The following CBL variants were observed in gnomAD, a reference collection of about 807,000 sequenced individuals.
The protein encoded by CBL is Cbl proto-oncogene.
CBL carries 45 observed loss-of-function variants against 96.9 expected under a neutral mutation model. The ratio of observed to expected loss-of-function variants is 0.46; its 90% CI spans 0.37 to 0.60. The LOEUF is 0.60. CBL is among the 20% of genes least tolerant of loss of function. The pLI, the probability that CBL is intolerant of heterozygous loss-of-function variation, is 0.00. For synonymous variants in CBL, 420 were observed against 426.8 expected (o/e 0.98, Z 0.20); for missense variants, 1,024 against 1,143.5 (o/e 0.90, Z 1.51).
At position 119,281,493 on chromosome 11, in the gene CBL, C is replaced by T. The variant is rs187262672; in HGVS notation, c.1431+2780C>T. 7.4e-3 allele frequency among the ~76,000 whole-genome samples: 1,032 copies of T among 139,878 alleles called. 10 individuals carry two copies. Among genetic ancestry groups the T allele is most frequent in the African/African-American group, 0.023 (819 of 34,880 alleles). The allele number at this position is 139,878 out of a possible 152,430, so 91.8% of individuals were successfully genotyped here. A position where few individuals can be genotyped will look rare whatever the true frequency, so the allele number is the denominator to read the frequency against. On this transcript the variant is annotated intron_variant, in intron 9 of 15. Coordinates refer to ENST00000264033, the MANE Select transcript of CBL (RefSeq NM_005188.4). ...CTTCCTTTCCCTCTGTCACCAAAAG[C>T]CTTTTTTTTTTTTTTTTTTGAGACA...
intron 2 of CBL, among the ~76,000 whole-genome samples, chr11:119,244,141 G>C (rs1216007177): frequency 6.6e-6 from 1 of 152,174 alleles, no homozygotes; most frequent in African/African-American, 2.4e-5. Flanking sequence ...ATGATCGCTA[G>C]ATTATGGTGA....
chr11:119,221,382 T>C (rs1219574199), intron 1 of CBL, among the ~76,000 whole-genome samples: 1 of 152,042 alleles, frequency 6.6e-6, no homozygotes, highest in Non-Finnish European at 1.5e-5. Context: ...TGAGACCCCA[T>C]CTCTATTTTT....
In CBL at chr11:119,285,180, C is replaced by G; in HGVS notation, c.1564-9C>G. On this transcript the variant is annotated splice_polypyrimidine_tract_variant and intron_variant, in intron 10 of 15. Transcript: ENST00000264033. ...TTTTTACTGATTTGCTTTCACCCTG[C>G]TTCCACAGGCTGCTTCTGGCTCCCT... 1 of 1,614,044 alleles carries G rather than the reference C, an allele frequency of 6.2e-7. No homozygotes were observed. The highest frequency in any genetic ancestry group is 8.5e-7 in the Non-Finnish European group (1 of 1,180,036).
chr11:119,242,807 A>C (rs1358898667), intron 2 of CBL, among the ~76,000 whole-genome samples: 2 of 151,280 alleles, frequency 1.3e-5, no homozygotes, highest in Non-Finnish European at 2.9e-5. Flanking sequence ...TTTGGCTTGC[A>C]AAAGTGGCAA....
At position 119,275,995 on chromosome 11, in the gene CBL, A is replaced by G; in HGVS notation, c.870-2A>G. The G allele has an allele frequency of 6.2e-7, 1 of 1,614,086 alleles. No homozygotes were observed. The highest frequency in any genetic ancestry group is 8.5e-7 in the Non-Finnish European group (1 of 1,179,946). ...AAAGCTTCTGTTTATGTCTGTTCAT[A>G]GTTATATCTTCCGGCTGAGCTGTAC... is the stretch of plus-strand genomic sequence containing the variant. On this transcript the variant is annotated splice_acceptor_variant, in intron 5 of 15. Coordinates refer to ENST00000264033, the MANE Select transcript of CBL (RefSeq NM_005188.4). LOFTEE classifies it high-confidence loss of function.
intron 2 of CBL, among the ~76,000 whole-genome samples, chr11:119,247,419 G>T (rs1287843132): frequency 2.0e-5 from 3 of 152,232 alleles, no homozygotes; most frequent in African/African-American, 4.8e-5. Context: ...ATTTGCATGT[G>T]ACATAATTCT....
intron 1 of CBL, among the ~76,000 whole-genome samples, chr11:119,211,624 C>T (rs906590235): frequency 7.3e-5 from 11 of 151,676 alleles, no homozygotes; most frequent in African/African-American, 1.7e-4. Context: ...TTGCCTTAGC[C>T]TCCCAAGTAG....
chr11:119,273,829 G>C, intron 3 of CBL, 39 bp from the exon 4 acceptor site: 1 of 1,585,702 alleles, frequency 6.3e-7, no homozygotes. Flanking sequence ...AATTATCTCT[G>C]TTATTTCACT....
intron 1 of CBL, among the ~76,000 whole-genome samples, chr11:119,221,597 C>T (rs1039856217): frequency 2.0e-5 from 3 of 151,906 alleles, no homozygotes; most frequent in South Asian, 4.1e-4. Flanking sequence ...GAAACCCCCT[C>T]TCTACTAAAA....
chr11:119,221,684 C>T (rs1949412417), intron 1 of CBL, among the ~76,000 whole-genome samples: 1 of 150,608 alleles, frequency 6.6e-6, no homozygotes, highest in Admixed American at 6.7e-5. Flanking sequence ...AGGAGAATTG[C>T]TTGAACCCGG....
chr11:119,231,201 G>A (rs778534907), intron 1 of CBL, among the ~76,000 whole-genome samples: 1 of 152,054 alleles, frequency 6.6e-6, no homozygotes, highest in Admixed American at 6.6e-5. Flanking sequence ...TCAGGCATTC[G>A]AGACCAGCCT....
chr11:119,307,682 T>C lies in CBL; in HGVS notation c.*7901T>C, dbSNP rs1950156999. 4.4e-6 allele frequency: 1 copy of C among 226,460 alleles called. No homozygotes were observed. The highest frequency in any genetic ancestry group is 5.7e-5 in the Admixed American group (1 of 17,492). 14.0% of individuals were successfully genotyped at this position (226,460 alleles called of 1,614,324 possible). ...TCCCCTGCCTTTAACTAATAAAGAA[T>C]TGGGAGACAGAAATTTTAAAGTCCT... On this transcript the variant is annotated 3_prime_UTR_variant, in exon 16 of 16. Coordinates refer to ENST00000264033, the MANE Select transcript of CBL (RefSeq NM_005188.4).
rs1233542858 is a variant in CBL, at chr11:119,302,194, AG to A, written c.*2415del. On this transcript the variant is annotated 3_prime_UTR_variant, in exon 16 of 16. Coordinates refer to ENST00000264033, the MANE Select transcript of CBL (RefSeq NM_005188.4). ...ATGGGCTTGGGTGTCAGTTTGTCAC[AG>A]GTATCTGCCAGCATTCAAGGTTTTG... The A allele has an allele frequency of 4.3e-6, 1 of 232,712 alleles. No homozygotes were observed. The highest frequency in any genetic ancestry group is 8.5e-6 in the Non-Finnish European group (1 of 117,774). The allele number at this position is 232,712 out of a possible 1,614,324, so 14.4% of individuals were successfully genotyped here. A position where few individuals can be genotyped will look rare whatever the true frequency, so the allele number is the denominator to read the frequency against.
Position 119,294,174 on chromosome 11 carries a change from A to T in CBL, c.2037-2744A>T, listed in dbSNP as rs187867557. On this transcript the variant is annotated intron_variant, in intron 12 of 15. Coordinates refer to ENST00000264033, the MANE Select transcript of CBL (RefSeq NM_005188.4). ...TTAGGCACGGTGGCTCACGCCTGTA[A>T]TCCCAGCACTTTGGGAGGCCAAGGT... 7.4e-3 allele frequency among the ~76,000 whole-genome samples: 1,127 copies of T among 152,348 alleles called. 11 individuals carry two copies. Among genetic ancestry groups the T allele is most frequent in the African/African-American group, 0.022 (910 of 41,586 alleles).
At chr11:119,251,834 A>G (rs1217828646) in intron 2 of CBL, among the ~76,000 whole-genome samples, 2 of 152,202 alleles carry the variant, frequency 1.3e-5, no homozygotes, top group Non-Finnish European at 2.9e-5. Flanking sequence ...TTACTCTAAT[A>G]TTGCCAACCA....
At chr11:119,279,863 G>C (rs1227183768) in intron 9 of CBL, among the ~76,000 whole-genome samples, 2 of 152,208 alleles carry the variant, frequency 1.3e-5, no homozygotes, top group Non-Finnish European at 2.9e-5. Context: ...TGTTGTGCTA[G>C]ATGGTTGAGT....
intron 2 of CBL, among the ~76,000 whole-genome samples, chr11:119,235,863 G>A (rs1273460808): frequency 6.6e-6 from 1 of 152,040 alleles, no homozygotes; most frequent in Non-Finnish European, 1.5e-5. Context: ...ATATTTTATG[G>A]ATTTGATTTG....
intron 9 of CBL, among the ~76,000 whole-genome samples, chr11:119,279,938 G>T (rs1268163571): frequency 1.3e-5 from 2 of 152,196 alleles, no homozygotes; most frequent in African/African-American, 2.4e-5. Flanking sequence ...TTAGGAAAAG[G>T]ACATATGTGC....
intron 2 of CBL, among the ~76,000 whole-genome samples, chr11:119,255,007 C>T (rs1211288140): frequency 6.6e-6 from 1 of 151,842 alleles, no homozygotes; most frequent in East Asian, 2.0e-4. Flanking sequence ...ACACAGTTCT[C>T]CTATTCTCTT....
Sources: allele counts gnomAD v4.1 joint callset (sites outside exome capture counted in the v4.1 genomes callset), GRCh38; gene constraint gnomAD v4.1.1; transcripts MANE v1.5; gene names NCBI Gene and HGNC (gene_info 2026-07-23, HGNC 2026-07-21).